SH3RF3: variants seen among roughly 807,000 people sequenced by gnomAD.
SH3RF3 encodes E3 ubiquitin-protein ligase SH3RF3.
In SH3RF3, 29 loss-of-function variants were observed where a neutral mutation model predicts 66.3. That is an observed-to-expected ratio of 0.44 (90% CI 0.33 to 0.60). SH3RF3 has a LOEUF of 0.60. SH3RF3 is among the 20% of genes least tolerant of loss of function. SH3RF3 has a pLI of 0.04. For missense variants in SH3RF3, 1,194 were observed against 1,190.9 expected (o/e 1.00, Z -0.04); for synonymous variants, 583 against 532.0 (o/e 1.10, Z -1.32).
chr2:109,323,943 C>T (rs1480747818), intron 1 of SH3RF3, among the ~76,000 whole-genome samples: 1 of 152,164 alleles, frequency 6.6e-6, no homozygotes, highest in Non-Finnish European at 1.5e-5. Flanking sequence ...AAAAGAAATG[C>T]CATACCTATC....
intron 1 of SH3RF3, among the ~76,000 whole-genome samples, chr2:109,239,311 TA>T (rs1166825129): frequency 1.3e-5 from 2 of 152,170 alleles, no homozygotes; most frequent in African/African-American, 2.4e-5. Flanking sequence ...TATCCCTTCC[TA>T]GGGGGCTATA....
intron 1 of SH3RF3, among the ~76,000 whole-genome samples, chr2:109,333,367 C>T (rs1345723625): frequency 6.6e-6 from 1 of 152,190 alleles, no homozygotes; most frequent in Non-Finnish European, 1.5e-5. Flanking sequence ...TTGGTTTCAG[C>T]ATCAGATGTT....
intron 3 of SH3RF3, among the ~76,000 whole-genome samples, chr2:109,388,898 A>G (rs1357640487): frequency 6.6e-6 from 1 of 152,146 alleles, no homozygotes; most frequent in Non-Finnish European, 1.5e-5. Context: ...GAGGCTTTCT[A>G]GGTAATAGAG....
At chr2:109,455,082 G>T (rs547211990) in intron 8 of SH3RF3, among the ~76,000 whole-genome samples, 5 of 152,246 alleles carry the variant, frequency 3.3e-5, no homozygotes, top group African/African-American at 7.2e-5. Context: ...GACTTGCCTG[G>T]GGCCACACAG....
At chr2:109,346,300 C>T (rs1057235942) in intron 1 of SH3RF3, among the ~76,000 whole-genome samples, 10 of 152,064 alleles carry the variant, frequency 6.6e-5, no homozygotes, top group Non-Finnish European at 1.0e-4. Flanking sequence ...TGTCGTTTGA[C>T]GTTGCTGAAA....
rs548829903 is a variant in SH3RF3 at position 109,190,934 on chromosome 2, A to G, written c.573+60821A>G. 2.6e-5 allele frequency among the ~76,000 whole-genome samples: 4 copies of G among 151,698 alleles called. No individual in the cohort carries two copies. In the South Asian group the frequency reaches 6.3e-4, roughly 24 times the overall value. ...GTGATACTTTGCCTACTAGATGCCA[A>G]TATTTTTATGGGGGAGATAATTCTA... On this transcript the variant is annotated intron_variant, in intron 1 of 9. Coordinates refer to ENST00000309415, the MANE Select transcript of SH3RF3 (RefSeq NM_001099289.3).
At chr2:109,493,164 A>G (rs1225635317) in intron 9 of SH3RF3, among the ~76,000 whole-genome samples, 1 of 151,050 alleles carries the variant, frequency 6.6e-6, no homozygotes, top group Non-Finnish European at 1.5e-5. Context: ...CACATACACC[A>G]CACATACGCC....
rs774206163 is a variant in SH3RF3, at chr2:109,398,928, C to T, written c.1284C>T (p.Cys428=). The T allele has an allele frequency of 1.6e-5, 25 of 1,611,872 alleles. No individual in the cohort carries two copies. Among genetic ancestry groups the T allele is most frequent in the East Asian group, 1.3e-4 (6 of 44,880 alleles). ...TTGGAGACCTTGCTCATCTGTCGTG[C>T]GCTGCTCCCACCCAGGTAACATCCC... The part of the protein sequence containing the change: ...ARIGDLAHLS[C]AAPTQDVSSS... Residue 428 remains cysteine (C), a synonymous_variant, in exon 4 of 10, where the codon TGC becomes TGT. Coordinates refer to ENST00000309415, the MANE Select transcript of SH3RF3 (RefSeq NM_001099289.3).
chr2:109,302,493 G>A (rs1681493649), intron 1 of SH3RF3, among the ~76,000 whole-genome samples: 1 of 152,240 alleles, frequency 6.6e-6, no homozygotes, highest in Non-Finnish European at 1.5e-5. Flanking sequence ...CCCCATAGGG[G>A]AGGGCTCTGC....
intron 1 of SH3RF3, among the ~76,000 whole-genome samples, chr2:109,279,475 C>T (rs981828425): frequency 3.3e-5 from 5 of 152,290 alleles, no homozygotes; most frequent in Admixed American, 2.6e-4. Flanking sequence ...TGCTATGCTG[C>T]TAATGTGAAC....
At chr2:109,130,818 G>A (rs1244520552) in intron 1 of SH3RF3, among the ~76,000 whole-genome samples, 1 of 152,082 alleles carries the variant, frequency 6.6e-6, no homozygotes, top group Admixed American at 6.5e-5. Flanking sequence ...CGCTGCTTCT[G>A]TTTTAGACGA....
At chr2:109,174,535 C>T (rs561777203) in intron 1 of SH3RF3, among the ~76,000 whole-genome samples, 48 of 152,352 alleles carry the variant, frequency 3.2e-4, no homozygotes, top group Admixed American at 6.5e-4. Flanking sequence ...GAATCAAAGC[C>T]TGTGGTCTTT....
chr2:109,200,841 C>T (rs1678652879), intron 1 of SH3RF3, among the ~76,000 whole-genome samples: 2 of 152,252 alleles, frequency 1.3e-5, no homozygotes. Context: ...AAAAGCTTTT[C>T]CCCTAAGTGC....
chr2:109,437,771 A>G (rs1473692375), intron 7 of SH3RF3, among the ~76,000 whole-genome samples: 1 of 152,100 alleles, frequency 6.6e-6, no homozygotes, highest in Admixed American at 6.5e-5. Flanking sequence ...AAAAGAAATT[A>G]TGGGGTGGGC....
chr2:109,284,446 G>T (rs763716176), intron 1 of SH3RF3, among the ~76,000 whole-genome samples: 50 of 152,298 alleles, frequency 3.3e-4, no homozygotes, highest in Admixed American at 6.5e-4. Flanking sequence ...AGGGCGTGTG[G>T]ACTGGGAGGC....
At chr2:109,215,851 G>T (rs1390154025) in intron 1 of SH3RF3, among the ~76,000 whole-genome samples, 1 of 152,168 alleles carries the variant, frequency 6.6e-6, no homozygotes, top group Non-Finnish European at 1.5e-5. Flanking sequence ...TTCTGACATG[G>T]AAGCAGATGT....
chr2:109,324,845 G>A (rs11692995), intron 1 of SH3RF3, among the ~76,000 whole-genome samples: 56,039 of 152,072 alleles, frequency 0.37, 11,905 homozygotes, highest in Non-Finnish European at 0.48. Flanking sequence ...CTCTCCTTGA[G>A]GTGTGTGCAA....
chr2:109,281,399 G>A (rs1469729232), intron 1 of SH3RF3, among the ~76,000 whole-genome samples: 1 of 152,214 alleles, frequency 6.6e-6, no homozygotes, highest in Non-Finnish European at 1.5e-5. Context: ...TAGCTCTGCC[G>A]ATGTGACAGT....
chr2:109,278,265 C>T (rs116438040), intron 1 of SH3RF3, among the ~76,000 whole-genome samples: 87 of 152,330 alleles, frequency 5.7e-4, no homozygotes, highest in Non-Finnish European at 1.1e-3. Flanking sequence ...CCACGGTAGG[C>T]ACTTTATCGG....
Sources: allele counts gnomAD v4.1 joint callset (sites outside exome capture counted in the v4.1 genomes callset), GRCh38; gene constraint gnomAD v4.1.1; transcripts MANE v1.5; gene names NCBI Gene and HGNC (gene_info 2026-07-23, HGNC 2026-07-21).